The following NOVA2 variants were observed in gnomAD, a reference collection of about 807,000 sequenced individuals.
The protein encoded by NOVA2 is RNA-binding protein Nova-2.
In NOVA2, 9 loss-of-function variants were observed where a neutral mutation model predicts 22.5. The observed-to-expected ratio is 0.40, with a 90% CI of 0.24 to 0.70. NOVA2 has a LOEUF of 0.70. Among genes scored for constraint, NOVA2 ranks in the 30% least tolerant of loss-of-function variants. The pLI is 0.38. For synonymous variants in NOVA2, 318 were observed against 335.2 expected, an observed-to-expected ratio of 0.95 and a Z score of 0.56; for missense variants, 383 against 682.8, an observed-to-expected ratio of 0.56 and a Z score of 4.89.
chr19:45,964,743 T>C (rs1192886963), intron 1 of NOVA2, among the ~76,000 whole-genome samples: 1 of 152,056 alleles, frequency 6.6e-6, no homozygotes, highest in Non-Finnish European at 1.5e-5. Flanking sequence ...AAATTTTTTG[T>C]AGAGATGGAG....
intron 1 of NOVA2, among the ~76,000 whole-genome samples, chr19:45,969,487 G>GT (rs1968206670): frequency 8.8e-6 from 1 of 113,370 alleles, no homozygotes; most frequent in Admixed American, 1.2e-4. Context: ...AAGCCTGGGT[G>GT]ACAGAGTGAG....
chr19:45,958,945 T>C (rs1367921798), intron 2 of NOVA2, among the ~76,000 whole-genome samples: 2 of 152,200 alleles, frequency 1.3e-5, no homozygotes, highest in African/African-American at 4.8e-5. Context: ...CTGGACTTCC[T>C]GTCCCAGCCC....
intron 2 of NOVA2, among the ~76,000 whole-genome samples, chr19:45,955,208 C>T (rs368712747): frequency 5.9e-5 from 9 of 152,006 alleles, no homozygotes; most frequent in African/African-American, 1.2e-4. Context: ...TGTGTGTGTA[C>T]GTGTGTTTGT....
intron 2 of NOVA2, among the ~76,000 whole-genome samples, chr19:45,954,765 A>T: frequency 6.9e-6 from 1 of 145,182 alleles, no homozygotes; most frequent in Non-Finnish European, 1.5e-5. Flanking sequence ...GGCACGGGGG[A>T]GAGAGAAACT....
intron 3 of NOVA2, among the ~76,000 whole-genome samples, chr19:45,945,645 A>G (rs991923200): frequency 1.2e-4 from 19 of 152,116 alleles, no homozygotes; most frequent in African/African-American, 4.3e-4. Context: ...TATGTGAATT[A>G]TATCTCAATA....
chr19:45,958,737 A>C (rs1223787874), intron 2 of NOVA2, among the ~76,000 whole-genome samples: 1 of 152,120 alleles, frequency 6.6e-6, no homozygotes, highest in Admixed American at 6.6e-5. Flanking sequence ...GTCATTTCTC[A>C]CATGTTCTGT....
rs1380838770 is a variant in NOVA2 at position 45,934,049 on chromosome 19, G to A, written c.*5814C>T. Reference sequence around the variant, plus strand: ...GAGGGGGTTGAATGGAGGCACTGGAGGCATGGCCACATTCCAAGAAATGGA... The same window carrying A: ...GAGGGGGTTGAATGGAGGCACTGGAAGCATGGCCACATTCCAAGAAATGGA... On this transcript the variant is annotated 3_prime_UTR_variant, in exon 4 of 4. Transcript: ENST00000263257. 1.3e-5 allele frequency: 2 copies of A among 152,498 alleles called. No homozygotes were observed. The highest frequency in any genetic ancestry group is 2.9e-5 in the Non-Finnish European group (2 of 68,286). 9.4% of individuals were successfully genotyped at this position (152,498 alleles called of 1,614,324 possible).
intron 1 of NOVA2, among the ~76,000 whole-genome samples, chr19:45,971,476 T>C (rs1968231441): frequency 6.6e-6 from 1 of 151,848 alleles, no homozygotes; most frequent in East Asian, 1.9e-4. Flanking sequence ...GACAGGAAAC[T>C]CCCTCCCATC....
intron 1 of NOVA2, 22 bp downstream of exon 1, chr19:45,973,245 C>G (rs1968257759): frequency 7.0e-7 from 1 of 1,437,658 alleles, no homozygotes; most frequent in African/African-American, 1.5e-5. Context: ...CTCCCCCGCC[C>G]CGAGCCGCAG....
At chr19:45,953,665 TGA>T in intron 3 of NOVA2, 113 bp downstream of exon 3, 2 of 1,294,520 alleles carry the variant, frequency 1.5e-6, no homozygotes, top group Non-Finnish European at 2.2e-6. Context: ...CTTTGACTGA[TGA>T]GATTTTTATC....
chr19:45,940,714 G>A lies in NOVA2; in HGVS notation c.628C>T (p.Leu210Phe). ...GCCACGTTGGCGTAGCTGATGTTGA[G>A]GCAGCTGCTGCTCTGGGGGTCTTCT... is the stretch of plus-strand genomic sequence containing the variant. ...VQEDPQSSSC[L>F]NISYANVAGP... is the part of the protein sequence containing the mutation. Residue 210 changes from leucine to phenylalanine, a missense_variant, in exon 4 of 4, where the codon CTC becomes TTC. Leu to Phe is a conservative substitution (Grantham distance 22). This residue lies in a region of NOVA2 where 349 missense variants were observed against 578.1 expected (regional missense o/e 0.60). Transcript: ENST00000263257. The A allele has an allele frequency of 6.2e-7, 1 of 1,607,930 alleles. No individual in the cohort carries two copies. Among genetic ancestry groups the A allele is most frequent in the Non-Finnish European group, 8.5e-7 (1 of 1,178,042 alleles).
At chr19:45,956,774 G>C (rs1291868840) in intron 2 of NOVA2, among the ~76,000 whole-genome samples, 1 of 152,188 alleles carries the variant, frequency 6.6e-6, no homozygotes, top group Non-Finnish European at 1.5e-5. Context: ...TTATACATAC[G>C]TGTTCACTTA....
chr19:45,950,644 G>A (rs1967910386), intron 3 of NOVA2, among the ~76,000 whole-genome samples: 1 of 152,130 alleles, frequency 6.6e-6, no homozygotes, highest in Non-Finnish European at 1.5e-5. Flanking sequence ...TAGAATCTTA[G>A]ATAATACATG....
chr19:45,956,128 C>G (rs1431079481), intron 2 of NOVA2, among the ~76,000 whole-genome samples: 1 of 152,164 alleles, frequency 6.6e-6, no homozygotes, highest in African/African-American at 2.4e-5. Context: ...GTTCCTCACT[C>G]TTACTACCCC....
Position 45,940,232 on chromosome 19 carries a change from CGCCCCG to C in NOVA2, c.1104_1109del (p.Ala370_Gly371del). The C allele has an allele frequency of 9.2e-7, 1 of 1,092,516 alleles. No individual in the cohort carries two copies. 67.7% of individuals were successfully genotyped at this position (1,092,516 alleles called of 1,614,324 possible). A position where few individuals can be genotyped will look rare whatever the true frequency, so the allele number is the denominator to read the frequency against. ...CGCCCCCTCCGCCCGCCCCGCCGCCCGCCCCGGCCCCGAGGTAGCCGTTGGCGGCTG... is the reference window on the plus strand; with the variant it reads ...CGCCCCCTCCGCCCGCCCCGCCGCCCGCCCCGAGGTAGCCGTTGGCGGCTG... On this transcript the variant is annotated inframe_deletion, in exon 4 of 4. Transcript: ENST00000263257.
chr19:45,952,231 A>G lies in NOVA2; in HGVS notation c.396+1549T>C, dbSNP rs1310771519. Among the ~76,000 whole-genome samples, 6 of 152,212 alleles carry G rather than the reference A, an allele frequency of 3.9e-5. No homozygotes were observed. The East Asian group carries it at 1.2e-3, about 29-fold the overall frequency. On this transcript the variant is annotated intron_variant, in intron 3 of 3. Coordinates refer to ENST00000263257, the MANE Select transcript of NOVA2 (RefSeq NM_002516.4). ...TTTCTATGCATTATACACATAAGCT[A>G]TGTGCTTTTCAAACATCAACGAACA...
At chr19:45,953,721 G>C in intron 3 of NOVA2, 59 bp downstream of exon 3, 1 of 1,596,122 alleles carries the variant, frequency 6.3e-7, no homozygotes, top group South Asian at 1.1e-5. Flanking sequence ...GATGTGGGAG[G>C]AATGTTTCTT....
chr19:45,947,865 G>A (rs1447390863), intron 3 of NOVA2, among the ~76,000 whole-genome samples: 1 of 152,122 alleles, frequency 6.6e-6, no homozygotes, highest in Non-Finnish European at 1.5e-5. Context: ...CTACCCATTT[G>A]CAGTCTGTGC....
intron 1 of NOVA2, among the ~76,000 whole-genome samples, chr19:45,963,749 C>T (rs149634209): frequency 2.6e-3 from 391 of 152,238 alleles, no homozygotes; most frequent in Non-Finnish European, 4.2e-3. Flanking sequence ...CCAGGATGGT[C>T]TGGGTCACCT....
Sources: allele counts gnomAD v4.1 joint callset (sites outside exome capture counted in the v4.1 genomes callset), GRCh38; gene constraint gnomAD v4.1.1; regional missense constraint gnomAD v4.1.1; transcripts MANE v1.5; gene names NCBI Gene and HGNC (gene_info 2026-07-23, HGNC 2026-07-21).